ANKS1B: variants seen among roughly 807,000 people sequenced by gnomAD.
ANKS1B encodes ankyrin repeat and sterile alpha motif domain containing 1B.
In ANKS1B, 36 loss-of-function variants were observed where a neutral mutation model predicts 148.3. The observed-to-expected ratio is 0.24, with a 90% confidence interval of 0.19 to 0.32. ANKS1B has a LOEUF of 0.32. ANKS1B is among the 10% of genes least tolerant of loss of function. The pLI is 1.00. For missense variants in ANKS1B, 1,157 were observed against 1,542.6 expected (o/e 0.75, Z 4.19); for synonymous variants, 542 against 560.8 (o/e 0.97, Z 0.47).
intron 1 of ANKS1B, among the ~76,000 whole-genome samples, chr12:99,913,309 A>G (rs902836583): frequency 1.3e-5 from 2 of 152,218 alleles, no homozygotes; most frequent in Non-Finnish European, 2.9e-5. Flanking sequence ...GACAGCAAAC[A>G]GAAGTAGAAA....
At chr12:99,341,024 A>G (rs976508465) in intron 12 of ANKS1B, 6 of 152,132 alleles carry the variant, frequency 3.9e-5, no homozygotes, top group African/African-American at 1.4e-4. Flanking sequence ...TAAATCATGA[A>G]ACTGTCTCCT....
intron 8 of ANKS1B, among the ~76,000 whole-genome samples, chr12:99,730,181 C>T (rs1055274941): frequency 2.0e-5 from 3 of 152,208 alleles, no homozygotes; most frequent in South Asian, 2.1e-4. Flanking sequence ...CCATCAAATT[C>T]GGGTTCCTTT....
At chr12:99,789,288 A>G (rs2065350896) in intron 4 of ANKS1B, among the ~76,000 whole-genome samples, 2 of 152,300 alleles carry the variant, frequency 1.3e-5, no homozygotes, top group Non-Finnish European at 2.9e-5. Flanking sequence ...TGCAAAAACC[A>G]CAGTGTTAGT....
intron 8 of ANKS1B, among the ~76,000 whole-genome samples, chr12:99,758,971 CAT>C (rs1229869249): frequency 1.3e-5 from 2 of 151,828 alleles, no homozygotes; most frequent in African/African-American, 2.4e-5. Context: ...AAAGATATAA[CAT>C]GTCAATTTTT....
rs1418890310 is a variant in ANKS1B at position 99,111,198 on chromosome 12, C to G, written c.2527-26175G>C. Among the ~76,000 whole-genome samples, 5 of 152,132 alleles carry G rather than the reference C, an allele frequency of 3.3e-5. No homozygotes were observed. In the East Asian group the frequency reaches 9.6e-4, roughly 29 times the overall value. ...TAGAATGGCAGAATGCTCCTTCTGC[C>G]TCCACGAAATTTACTTTCAAGTTGA... On this transcript the variant is annotated intron_variant, in intron 15 of 26. Coordinates refer to ENST00000683438, the MANE Select transcript of ANKS1B (RefSeq NM_001352186.2).
chr12:99,657,701 G>GTATC (rs1320006321), intron 8 of ANKS1B, among the ~76,000 whole-genome samples: 1 of 146,764 alleles, frequency 6.8e-6, no homozygotes, highest in African/African-American at 2.6e-5. Context: ...GATCAAAAAG[G>GTATC]TATCTCCTTT....
At chr12:99,273,603 G>A (rs1436531299) in intron 12 of ANKS1B, among the ~76,000 whole-genome samples, 2 of 130,706 alleles carry the variant, frequency 1.5e-5, no homozygotes. Flanking sequence ...TTGAGACGGA[G>A]TCTTGCTCTG....
At chr12:98,884,805 C>CAAAA (rs35160751) in intron 17 of ANKS1B, among the ~76,000 whole-genome samples, 6 of 83,766 alleles carry the variant, frequency 7.2e-5, no homozygotes, top group Middle Eastern at 6.7e-3. Flanking sequence ...GACTCCGTCT[C>CAAAA]AAAAAAAAAA....
At chr12:98,952,951 G>A (rs972616311) in intron 17 of ANKS1B, among the ~76,000 whole-genome samples, 6 of 151,748 alleles carry the variant, frequency 4.0e-5, no homozygotes, top group South Asian at 4.2e-4. Context: ...TTCAAACTCC[G>A]GGGCTCAAGT....
At chr12:99,502,914 C>T (rs187627734) in intron 10 of ANKS1B, among the ~76,000 whole-genome samples, 2 of 152,218 alleles carry the variant, frequency 1.3e-5, no homozygotes, top group South Asian at 2.1e-4. Context: ...TAGACTATTA[C>T]GTATAATGGC....
chr12:99,020,269 G>A (rs2099944998), intron 17 of ANKS1B, among the ~76,000 whole-genome samples: 1 of 152,028 alleles, frequency 6.6e-6, no homozygotes, highest in South Asian at 2.1e-4. Context: ...TTCCTCAGCA[G>A]TCACCATTCT....
chr12:99,299,350 G>A (rs2081309755), intron 12 of ANKS1B, among the ~76,000 whole-genome samples: 1 of 152,166 alleles, frequency 6.6e-6, no homozygotes, highest in Non-Finnish European at 1.5e-5. Context: ...GTTAGCCACT[G>A]CACCCAGCCT....
intron 8 of ANKS1B, among the ~76,000 whole-genome samples, chr12:99,690,866 G>A (rs1599773023): frequency 6.6e-6 from 1 of 152,218 alleles, no homozygotes; most frequent in Non-Finnish European, 1.5e-5. Flanking sequence ...GGAACTCTGT[G>A]TGGAGGCTTC....
intron 9 of ANKS1B, among the ~76,000 whole-genome samples, chr12:99,549,866 C>T (rs1408572727): frequency 6.6e-6 from 1 of 152,184 alleles, no homozygotes; most frequent in Non-Finnish European, 1.5e-5. Context: ...CTGGATAAGT[C>T]CCAGGCCTAA....
At chr12:99,962,296 C>A (rs1183541962) in intron 1 of ANKS1B, among the ~76,000 whole-genome samples, 1 of 152,026 alleles carries the variant, frequency 6.6e-6, no homozygotes, top group African/African-American at 2.4e-5. Context: ...TGAGAACATG[C>A]AGTTTGGTTT....
intron 17 of ANKS1B, among the ~76,000 whole-genome samples, chr12:98,880,354 T>C (rs184751723): frequency 8.5e-4 from 130 of 152,316 alleles, no homozygotes; most frequent in African/African-American, 2.9e-3. Flanking sequence ...ATAAGAGTGC[T>C]GATAAAAAGG....
intron 17 of ANKS1B, among the ~76,000 whole-genome samples, chr12:98,974,017 A>G (rs1438184563): frequency 6.6e-6 from 1 of 152,200 alleles, no homozygotes; most frequent in Non-Finnish European, 1.5e-5. Context: ...CTTAAAACAC[A>G]ACCCTTGTGG....
chr12:98,889,355 T>A (rs532819377), intron 17 of ANKS1B, among the ~76,000 whole-genome samples: 13 of 152,238 alleles, frequency 8.5e-5, no homozygotes, highest in Non-Finnish European at 1.3e-4. Flanking sequence ...TTTTTATTTT[T>A]TTTTTTTTTG....
chr12:98,864,964 C>T (rs1357686582), intron 17 of ANKS1B, among the ~76,000 whole-genome samples: 3 of 152,146 alleles, frequency 2.0e-5, no homozygotes, highest in Non-Finnish European at 4.4e-5. Flanking sequence ...CTTCAGCATA[C>T]TACCTCCTTT....
Sources: allele counts gnomAD v4.1 joint callset (sites outside exome capture counted in the v4.1 genomes callset), GRCh38; gene constraint gnomAD v4.1.1; transcripts MANE v1.5; gene names NCBI Gene and HGNC (gene_info 2026-07-23, HGNC 2026-07-21).